The following ELN variants were observed in gnomAD, a reference collection of about 807,000 sequenced individuals.
The protein encoded by ELN is tropoelastin.
A neutral mutation model predicts 105.8 loss-of-function variants in ELN; 65 were observed. The observed-to-expected ratio is 0.61, with a 90% CI of 0.50 to 0.75. The LOEUF (loss-of-function observed/expected upper bound fraction) is 0.75, where lower values mean the gene tolerates loss of function less well. ELN is among the 30% of genes least tolerant of loss of function. The pLI is 0.00. For missense variants in ELN, 882 were observed against 969.4 expected, an observed-to-expected ratio of 0.91 and a Z score of 1.20; for synonymous variants, 368 against 389.2, an observed-to-expected ratio of 0.95 and a Z score of 0.64.
chr7:74,037,810 G>A lies in ELN; in HGVS notation c.196+71G>A, dbSNP rs2301995. On this transcript the variant is annotated intron_variant, in intron 4 of 32. Transcript: ENST00000252034. ...GGGAGGGAGGAGCCTACCCAGCTGGGAATGGGACAAGGAAACTAGGAACAG... is the reference window on the plus strand; with the variant it reads ...GGGAGGGAGGAGCCTACCCAGCTGGAAATGGGACAAGGAAACTAGGAACAG... 0.077 allele frequency: 121,787 copies of A among 1,578,610 alleles called. 6,167 individuals carry two copies. The highest frequency in any genetic ancestry group is 0.21 in the African/African-American group (15,885 of 74,552).
chr7:74,030,328 A>C (rs1352049869), intron 1 of ELN, among the ~76,000 whole-genome samples: 1 of 152,160 alleles, frequency 6.6e-6, no homozygotes, highest in African/African-American at 2.4e-5. Context: ...CAGCGGCTCC[A>C]AGGAAGGAAC....
At chr7:74,045,416 T>C in intron 10 of ELN, 123 bp downstream of exon 10, 1 of 1,130,456 alleles carries the variant, frequency 8.8e-7, no homozygotes, top group Non-Finnish European at 1.3e-6. Flanking sequence ...CTTTTTATGT[T>C]CCAGCCCTGG....
Position 74,065,934 on chromosome 7 carries a change from C to CTCT in ELN, c.2033-6_2033-4dup. 1 of 1,614,158 alleles carries CTCT rather than the reference C, an allele frequency of 6.2e-7. No individual in the cohort carries two copies. Among genetic ancestry groups the CTCT allele is most frequent in the Non-Finnish European group, 8.5e-7 (1 of 1,180,030 alleles). On this transcript the variant is annotated splice_polypyrimidine_tract_variant and intron_variant, in intron 30 of 32. Transcript: ENST00000252034. ...GGTGTCTTATCCTGACCCCACCTGC[C>CTCT]TCTTCTCAGGTGCTGCTGGCCTTGG... is the stretch of plus-strand genomic sequence containing the variant.
chr7:74,067,565 C>T (rs1423666296), intron 32 of ELN, among the ~76,000 whole-genome samples: 3 of 151,930 alleles, frequency 2.0e-5, no homozygotes, highest in Middle Eastern at 3.4e-3. Context: ...CACGTCCGGC[C>T]GTCTCTACTA....
chr7:74,046,442 C>T (rs909324096), intron 11 of ELN, among the ~76,000 whole-genome samples: 2 of 152,274 alleles, frequency 1.3e-5, no homozygotes, highest in African/African-American at 4.8e-5. Flanking sequence ...ACCCTCCAGC[C>T]TGTGCCAAGG....
intron 1 of ELN, among the ~76,000 whole-genome samples, chr7:74,034,370 G>A (rs975576947): frequency 4.6e-5 from 7 of 152,086 alleles, no homozygotes; most frequent in African/African-American, 1.7e-4. Context: ...TCCACCCCAG[G>A]CCCTCTCCCT....
intron 1 of ELN, among the ~76,000 whole-genome samples, chr7:74,033,243 C>T (rs1239872476): frequency 3.3e-5 from 5 of 152,234 alleles, no homozygotes; most frequent in Admixed American, 3.3e-4. Flanking sequence ...GCACTTTGCT[C>T]TTCCCCCCAC....
At chr7:74,053,433 C>T in intron 18 of ELN, 124 bp downstream of exon 18, 1 of 1,522,838 alleles carries the variant, frequency 6.6e-7, no homozygotes, top group Non-Finnish European at 8.8e-7. Context: ...TGCCCATACC[C>T]TTGACCACGT....
chr7:74,052,816 AAAAG>A (rs1360651931), intron 17 of ELN: 37 of 290,876 alleles, frequency 1.3e-4, no homozygotes, highest in Non-Finnish European at 1.5e-4. Flanking sequence ...GAAGGAAGGA[AAAAG>A]AAAAGAGGGA....
Position 74,063,146 on chromosome 7 carries a change from C to G in ELN, c.1787-7C>G. 6.2e-7 allele frequency: 1 copy of G among 1,603,060 alleles called. No individual in the cohort carries two copies. The highest frequency in any genetic ancestry group is 8.5e-7 in the Non-Finnish European group (1 of 1,176,022). On this transcript the variant is annotated splice_polypyrimidine_tract_variant and splice_region_variant and intron_variant, in intron 26 of 32. Coordinates refer to ENST00000252034, the MANE Select transcript of ELN (RefSeq NM_000501.4). This position sits in a 1 kb window ranked among gnomAD's most constrained non-coding sequence, Gnocchi z 4.1. ...TGGAACACTCATTTTCCCTCCTCTC[C>G]CCGCAGGAGCAGCAGTGCCTGGGGT... is the stretch of plus-strand genomic sequence containing the variant.
At chr7:74,029,354 A>G (rs1182179607) in intron 1 of ELN, among the ~76,000 whole-genome samples, 1 of 152,114 alleles carries the variant, frequency 6.6e-6, no homozygotes, top group East Asian at 1.9e-4. Context: ...GCCCCAACCC[A>G]GGCACAGTTG....
chr7:74,028,605 C>T (rs1283592425), intron 1 of ELN, among the ~76,000 whole-genome samples: 1 of 152,166 alleles, frequency 6.6e-6, no homozygotes, highest in South Asian at 2.1e-4. Flanking sequence ...CCAGCGGGAA[C>T]CCCTGGGTCT....
intron 9 of ELN, 133 bp from the exon 10 acceptor site, chr7:74,045,089 C>T (rs1177031507): frequency 1.0e-6 from 1 of 957,410 alleles, no homozygotes; most frequent in East Asian, 2.5e-5. Flanking sequence ...TTTCTCCACC[C>T]ACCCCGTGAG....
In ELN at chr7:74,068,832, G is replaced by A. The variant is rs544374170; in HGVS notation, c.*132G>A. The A allele has an allele frequency of 1.9e-5, 22 of 1,157,026 alleles. No individual in the cohort carries two copies. The highest frequency in any genetic ancestry group is 1.2e-4 in the East Asian group (5 of 41,138). The allele number at this position is 1,157,026 out of a possible 1,614,324, so 71.7% of individuals were successfully genotyped here. A position where few individuals can be genotyped will look rare whatever the true frequency, so the allele number is the denominator to read the frequency against. Reference sequence around the variant, plus strand: ...CCAGGAGGGAACGGGCAGGCCGGGCGGCCTTGCAGATCCACAGGGCAAGGA... The same window carrying A: ...CCAGGAGGGAACGGGCAGGCCGGGCAGCCTTGCAGATCCACAGGGCAAGGA... On this transcript the variant is annotated 3_prime_UTR_variant, in exon 33 of 33. Coordinates refer to ENST00000252034, the MANE Select transcript of ELN (RefSeq NM_000501.4).
At chr7:74,066,678 G>A in intron 31 of ELN, 54 bp from the exon 32 acceptor site, 1 of 1,593,354 alleles carries the variant, frequency 6.3e-7, no homozygotes, top group Non-Finnish European at 8.6e-7. Context: ...AAGTGATGAG[G>A]CTGGAGTCAG....
intron 1 of ELN, among the ~76,000 whole-genome samples, chr7:74,030,851 G>C (rs1474860488): frequency 2.0e-5 from 3 of 152,122 alleles, no homozygotes; most frequent in African/African-American, 7.2e-5. Context: ...TGACGGTGGG[G>C]TCGCCAGGGC....
chr7:74,037,732 T>C lies in ELN; in HGVS notation c.189T>C (p.Leu63=). 6.2e-7 allele frequency: 1 copy of C among 1,612,034 alleles called. No homozygotes were observed. Among genetic ancestry groups the C allele is most frequent in the South Asian group, 1.1e-5 (1 of 90,376 alleles). ...GGALGPGGKP[L]KPVPGGLAGA... ...CGCTGGGGCCTGGAGGCAAACCTCT[T>C]AAGCCAGGTAAGACCCAAGGCCTCG... The change falls in exon 4 of 33, where the codon CTT becomes CTC. Residue 63 remains leucine (L), a synonymous_variant. Transcript: ENST00000252034.
At chr7:74,048,425 T>C (rs1793076098) in intron 14 of ELN, 78 bp from the exon 15 acceptor site, 1 of 1,609,016 alleles carries the variant, frequency 6.2e-7, no homozygotes, top group Middle Eastern at 1.7e-4. Context: ...ATTGGCTCTC[T>C]TGGGGCTGGG....
At chr7:74,053,383 T>G in intron 18 of ELN, 74 bp downstream of exon 18, 1 of 1,564,964 alleles carries the variant, frequency 6.4e-7, no homozygotes, top group Admixed American at 1.9e-5. Flanking sequence ...ATTGAGACTA[T>G]TGCCAAAATT....
Sources: allele counts gnomAD v4.1 joint callset (sites outside exome capture counted in the v4.1 genomes callset), GRCh38; gene constraint gnomAD v4.1.1; non-coding constraint Gnocchi (gnomAD v3.1); transcripts MANE v1.5; gene names NCBI Gene and HGNC (gene_info 2026-07-23, HGNC 2026-07-21).